PDE4D: variants seen among roughly 807,000 people sequenced by gnomAD.
PDE4D encodes the protein 3',5'-cyclic-AMP phosphodiesterase 4D.
In PDE4D, 24 loss-of-function variants were observed where a neutral mutation model predicts 87.4. The ratio of observed to expected loss-of-function variants is 0.27; its 90% CI spans 0.20 to 0.39. PDE4D has a LOEUF of 0.39. Ranked by LOEUF, PDE4D falls within the 10% of genes least tolerant of loss-of-function variation. PDE4D has a pLI of 1.00. For synonymous variants in PDE4D, 384 were observed against 383.2 expected, an observed-to-expected ratio of 1.00 and a Z score of -0.02; for missense variants, 714 against 1,041.0, an observed-to-expected ratio of 0.69 and a Z score of 4.32.
At chr5:60,366,348 T>C (rs944468371) in intron 1 of PDE4D, among the ~76,000 whole-genome samples, 1 of 152,018 alleles carries the variant, frequency 6.6e-6, no homozygotes, top group Non-Finnish European at 1.5e-5. Context: ...GCCCCAAAGA[T>C]CAAGAGAAGA....
At chr5:59,275,693 T>G (rs1764670932) in intron 1 of PDE4D, 2 of 1,101,604 alleles carry the variant, frequency 1.8e-6, no homozygotes, top group Non-Finnish European at 2.2e-6. Flanking sequence ...AATTCTGAAT[T>G]GATTCTTCAT....
chr5:60,013,887 A>G (rs1420374318), intron 2 of PDE4D, among the ~76,000 whole-genome samples: 1 of 151,904 alleles, frequency 6.6e-6, no homozygotes, highest in Non-Finnish European at 1.5e-5. Context: ...CCTGCAAGAG[A>G]CCGAGACCAT....
At chr5:60,514,518 T>C (rs1747676766) in intron 1 of PDE4D, among the ~76,000 whole-genome samples, 1 of 152,100 alleles carries the variant, frequency 6.6e-6, no homozygotes, top group Non-Finnish European at 1.5e-5. Context: ...GGTTGGAGAC[T>C]AATACAGTTG....
At chr5:59,430,952 G>T (rs1228032250) in intron 1 of PDE4D, among the ~76,000 whole-genome samples, 1 of 152,122 alleles carries the variant, frequency 6.6e-6, no homozygotes, top group African/African-American at 2.4e-5. Context: ...ATATGGAAAT[G>T]TTATGGGCGG....
At chr5:59,513,619 A>C in intron 1 of PDE4D, among the ~76,000 whole-genome samples, 1 of 152,172 alleles carries the variant, frequency 6.6e-6, no homozygotes, top group East Asian at 1.9e-4. Context: ...TCTGTACCCT[A>C]ATATCTACGT....
At chr5:59,698,677 C>T (rs1159026773) in intron 1 of PDE4D, among the ~76,000 whole-genome samples, 1 of 152,128 alleles carries the variant, frequency 6.6e-6, no homozygotes, top group Non-Finnish European at 1.5e-5. Flanking sequence ...ATTTGCGTGA[C>T]AGTCCCAAAG....
intron 1 of PDE4D, among the ~76,000 whole-genome samples, chr5:59,587,928 A>G (rs1002523228): frequency 9.4e-5 from 12 of 127,216 alleles, no homozygotes; most frequent in Non-Finnish European, 2.2e-4. Context: ...TTACCCAGTG[A>G]AAAAAAAAGA....
chr5:60,483,525 T>G (rs1323389328), intron 1 of PDE4D, among the ~76,000 whole-genome samples: 1 of 152,190 alleles, frequency 6.6e-6, no homozygotes, highest in Non-Finnish European at 1.5e-5. Context: ...GAGGAAACCA[T>G]GTATTGTTCA....
At chr5:59,674,219 G>A (rs1043780399) in intron 1 of PDE4D, among the ~76,000 whole-genome samples, 1 of 152,176 alleles carries the variant, frequency 6.6e-6, no homozygotes, top group African/African-American at 2.4e-5. Context: ...GGATAATATT[G>A]TACAGATATC....
At chr5:59,523,830 T>C (rs960385014) in intron 1 of PDE4D, among the ~76,000 whole-genome samples, 13 of 152,194 alleles carry the variant, frequency 8.5e-5, no homozygotes, top group African/African-American at 2.9e-4. Context: ...CTAATAATAG[T>C]GAGTGACTTC....
intron 1 of PDE4D, among the ~76,000 whole-genome samples, chr5:59,675,837 G>A (rs573425625): frequency 6.6e-6 from 1 of 152,052 alleles, no homozygotes; most frequent in East Asian, 1.9e-4. Flanking sequence ...CTACAGGCAC[G>A]TGCCACAACA....
At chr5:59,187,942 TGTCGTCATC>T (rs1385727825) in intron 3 of PDE4D, among the ~76,000 whole-genome samples, 1 of 152,146 alleles carries the variant, frequency 6.6e-6, no homozygotes. Context: ...TGACTCTTGG[TGTCGTCATC>T]ACTGTTATCA....
chr5:59,519,380 T>A (rs1811775762), intron 1 of PDE4D, among the ~76,000 whole-genome samples: 1 of 152,138 alleles, frequency 6.6e-6, no homozygotes. Flanking sequence ...TAGGAAAGGA[T>A]TACTGCTAAA....
intron 2 of PDE4D, among the ~76,000 whole-genome samples, chr5:60,121,993 C>G (rs535038287): frequency 6.6e-6 from 1 of 152,140 alleles, no homozygotes; most frequent in Non-Finnish European, 1.5e-5. Flanking sequence ...TTACAGGGCC[C>G]ATGCAAGCTC....
chr5:59,567,032 A>G (rs1331034630), intron 1 of PDE4D, among the ~76,000 whole-genome samples: 1 of 152,186 alleles, frequency 6.6e-6, no homozygotes, highest in Non-Finnish European at 1.5e-5. Flanking sequence ...TGTTTTCTAC[A>G]TGAGCTTTCA....
intron 2 of PDE4D, among the ~76,000 whole-genome samples, chr5:60,107,791 T>C (rs1190336971): frequency 6.6e-6 from 1 of 152,182 alleles, no homozygotes; most frequent in Non-Finnish European, 1.5e-5. Context: ...AGAAAAGGCC[T>C]TTGACAAAAT....
At chr5:60,490,538 C>G (rs1197903871), upstream of PDE4D, 2 of 152,236 alleles carry the variant, frequency 1.3e-5, no homozygotes, top group Non-Finnish European at 2.9e-5. Flanking sequence ...CTGCTTCCTT[C>G]AGGCATCATT....
At chr5:59,800,237 C>G (rs760834231) in intron 1 of PDE4D, among the ~76,000 whole-genome samples, 8 of 151,880 alleles carry the variant, frequency 5.3e-5, no homozygotes, top group Non-Finnish European at 5.9e-5. Flanking sequence ...CACAATGGAA[C>G]ATGTGCGACA....
intron 3 of PDE4D, among the ~76,000 whole-genome samples, chr5:59,942,982 G>T (rs950293589): frequency 1.3e-5 from 2 of 152,114 alleles, no homozygotes; most frequent in South Asian, 2.1e-4. Flanking sequence ...ATCCCAAAAC[G>T]CACAGAACAG....
Sources: allele counts gnomAD v4.1 joint callset (sites outside exome capture counted in the v4.1 genomes callset), GRCh38; gene constraint gnomAD v4.1.1; transcripts MANE v1.5; gene names NCBI Gene and HGNC (gene_info 2026-07-23, HGNC 2026-07-21).